DRC11: variants seen among roughly 807,000 people sequenced by gnomAD.
DRC11 encodes the protein dynein regulatory complex subunit 11.
chr2:236,448,007 T>C, the DRC11 span, among the ~76,000 whole-genome samples: 1 of 152,226 alleles, frequency 6.6e-6, no homozygotes, highest in East Asian at 1.9e-4. This position sits in a 1 kb window ranked among gnomAD's most constrained non-coding sequence, Gnocchi z 5.3. Flanking sequence ...CGAAGTATAA[T>C]TGAGGGAAAG....
At chr2:236,411,228 C>G in the DRC11 span, among the ~76,000 whole-genome samples, 178 of 152,084 alleles carry the variant, frequency 1.2e-3, no homozygotes, top group South Asian at 6.9e-3. Flanking sequence ...ATCAAAAAGT[C>G]GGTGAAGGAC....
the DRC11 span, among the ~76,000 whole-genome samples, chr2:236,380,801 C>T: frequency 6.6e-6 from 1 of 152,128 alleles, no homozygotes; most frequent in African/African-American, 2.4e-5. The surrounding 1 kb of genome is among the most constrained non-coding windows in gnomAD (Gnocchi z 4.9). Flanking sequence ...TAGGGACTGG[C>T]CTGGAAAATC....
the DRC11 span, among the ~76,000 whole-genome samples, chr2:236,389,306 C>A: frequency 2.0e-5 from 3 of 152,164 alleles, no homozygotes; most frequent in Non-Finnish European, 4.4e-5. Context: ...GTGCTAGCAA[C>A]CAGCGAGACT....
At chr2:236,373,111 C>A in the DRC11 span, among the ~76,000 whole-genome samples, 2 of 151,830 alleles carry the variant, frequency 1.3e-5, no homozygotes, top group East Asian at 3.9e-4. Flanking sequence ...TTTTTATTTG[C>A]TCTTGTATTC....
the DRC11 span, among the ~76,000 whole-genome samples, chr2:236,506,298 C>T: frequency 3.1e-4 from 47 of 152,212 alleles, no homozygotes; most frequent in African/African-American, 1.1e-3. The surrounding 1 kb of genome is among the most constrained non-coding windows in gnomAD (Gnocchi z 4.9). Flanking sequence ...AAGACCATCA[C>T]AGGCTGACAG....
chr2:236,411,117 A>G, the DRC11 span, among the ~76,000 whole-genome samples: 7 of 147,020 alleles, frequency 4.8e-5, no homozygotes, highest in East Asian at 2.0e-4. Flanking sequence ...GCAACCTACA[A>G]AATGGGAGAA....
At chr2:236,371,705 A>G in the DRC11 span, among the ~76,000 whole-genome samples, 1 of 152,198 alleles carries the variant, frequency 6.6e-6, no homozygotes. The surrounding 1 kb of genome is among the most constrained non-coding windows in gnomAD (Gnocchi z 5.1). Flanking sequence ...GGTCATTCTT[A>G]GCAGATTCTT....
At chr2:236,443,760 T>C in the DRC11 span, among the ~76,000 whole-genome samples, 1 of 152,242 alleles carries the variant, frequency 6.6e-6, no homozygotes, top group East Asian at 1.9e-4. The surrounding 1 kb of genome is among the most constrained non-coding windows in gnomAD (Gnocchi z 4.4). Flanking sequence ...CTAGGTCAAA[T>C]GGTATTTCTG....
chr2:236,448,911 G>T, the DRC11 span, among the ~76,000 whole-genome samples: 1 of 152,156 alleles, frequency 6.6e-6, no homozygotes, highest in South Asian at 2.1e-4. The surrounding 1 kb of genome is among the most constrained non-coding windows in gnomAD (Gnocchi z 5.3). Context: ...CCAGGCTGGA[G>T]TGCAGTGGTG....
chr2:236,463,734 C>T, the DRC11 span, among the ~76,000 whole-genome samples: 1,179 of 152,238 alleles, frequency 7.7e-3, 13 homozygotes, highest in South Asian at 0.06. The surrounding 1 kb of genome is among the most constrained non-coding windows in gnomAD (Gnocchi z 5.0). Flanking sequence ...CAAGTCACTC[C>T]GAGCCTTAGC....
the DRC11 span, chr2:236,465,466 A>G: frequency 6.5e-7 from 1 of 1,547,890 alleles, no homozygotes; most frequent in Non-Finnish European, 8.9e-7. This position sits in a 1 kb window ranked among gnomAD's most constrained non-coding sequence, Gnocchi z 6.2. Context: ...CAGCCACTAA[A>G]GAACAGACTG....
chr2:236,341,277 C>T, the DRC11 span, among the ~76,000 whole-genome samples: 20 of 152,342 alleles, frequency 1.3e-4, no homozygotes, highest in African/African-American at 2.2e-4. Context: ...GCAGCCCGTG[C>T]GCCTCATTCT....
At chr2:236,427,839 A>T in the DRC11 span, among the ~76,000 whole-genome samples, 1 of 151,694 alleles carries the variant, frequency 6.6e-6, no homozygotes, top group Non-Finnish European at 1.5e-5. This position sits in a 1 kb window ranked among gnomAD's most constrained non-coding sequence, Gnocchi z 5.9. Flanking sequence ...GTTGTTTGAG[A>T]TCTTTCTTCT....
the DRC11 span, among the ~76,000 whole-genome samples, chr2:236,481,937 CTATGTATAATTCTACATATTA>C: frequency 6.8e-6 from 1 of 147,232 alleles, no homozygotes; most frequent in East Asian, 2.0e-4. Flanking sequence ...ATGTATAATT[CTATGTATAATTCTACATATTA>C]TATGTATAAT....
the DRC11 span, among the ~76,000 whole-genome samples, chr2:236,349,312 A>G: frequency 6.6e-6 from 1 of 152,170 alleles, no homozygotes; most frequent in Non-Finnish European, 1.5e-5. The surrounding 1 kb of genome is among the most constrained non-coding windows in gnomAD (Gnocchi z 5.5). Flanking sequence ...CCCTACTTCC[A>G]GCTCCAAAAG....
the DRC11 span, among the ~76,000 whole-genome samples, chr2:236,426,746 T>C: frequency 0.019 from 2,881 of 152,268 alleles, 87 homozygotes; most frequent in African/African-American, 0.065. This position sits in a 1 kb window ranked among gnomAD's most constrained non-coding sequence, Gnocchi z 4.1. Flanking sequence ...ACAGGAAATT[T>C]CACTTCTTCC....
the DRC11 span, among the ~76,000 whole-genome samples, chr2:236,317,490 C>A: frequency 6.6e-6 from 1 of 152,124 alleles, no homozygotes; most frequent in Non-Finnish European, 1.5e-5. This position sits in a 1 kb window ranked among gnomAD's most constrained non-coding sequence, Gnocchi z 5.4. Context: ...CTTCCATGTA[C>A]ATAAAGTTCA....
At chr2:236,393,750 C>A in the DRC11 span, among the ~76,000 whole-genome samples, 4 of 152,164 alleles carry the variant, frequency 2.6e-5, no homozygotes, top group African/African-American at 9.7e-5. This position sits in a 1 kb window ranked among gnomAD's most constrained non-coding sequence, Gnocchi z 4.7. Context: ...GAGGCAAACT[C>A]AGAACTGGTG....
the DRC11 span, chr2:236,493,645 GA>G: frequency 2.7e-6 from 2 of 745,778 alleles, no homozygotes; most frequent in Non-Finnish European, 4.2e-6. Flanking sequence ...ACTGTATAAC[GA>G]GGGAGGGATC....
Sources: gnomAD v4.1 joint callset for allele counts (sites outside exome capture counted in the v4.1 genomes callset) on GRCh38, gnomAD v4.1.1 for gene constraint, Gnocchi (gnomAD v3.1) non-coding constraint, MANE v1.5 for transcripts, NCBI Gene and HGNC (gene_info 2026-07-23, HGNC 2026-07-21) for gene names.